MGAT4A: variants seen among roughly 807,000 people sequenced by gnomAD.
The protein encoded by MGAT4A is N-acetylglucosaminyltransferase IVa.
MGAT4A carries 33 observed loss-of-function variants against 74.1 expected under a neutral mutation model. The observed-to-expected ratio is 0.45, with a 90% confidence interval of 0.34 to 0.60. The LOEUF (loss-of-function observed/expected upper bound fraction) is 0.60, where lower values mean the gene tolerates loss of function less well. Among genes scored for constraint, MGAT4A ranks in the 20% least tolerant of loss-of-function variants. The probability of loss-of-function intolerance (pLI) is 0.02; values close to 1 mark genes in which losing one functional copy is unlikely to be tolerated. For missense variants in MGAT4A, 479 were observed against 628.3 expected, an observed-to-expected ratio of 0.76 and a Z score of 2.54; for synonymous variants, 198 against 210.4, an observed-to-expected ratio of 0.94 and a Z score of 0.51.
intron 10 of MGAT4A, among the ~76,000 whole-genome samples, chr2:98,643,445 A>G (rs1701441513): frequency 6.6e-6 from 1 of 152,232 alleles, no homozygotes. Context: ...ATTATTATGA[A>G]CACTGGCTTT....
intron 2 of MGAT4A, among the ~76,000 whole-genome samples, chr2:98,708,265 G>A (rs1388363373): frequency 3.3e-5 from 5 of 151,940 alleles, no homozygotes; most frequent in Admixed American, 2.0e-4. Flanking sequence ...ACCGCACCCC[G>A]CCAGTGAGCA....
chr2:98,707,727 G>T (rs1559174003), intron 2 of MGAT4A, among the ~76,000 whole-genome samples: 1 of 152,104 alleles, frequency 6.6e-6, no homozygotes, highest in African/African-American at 2.4e-5. Context: ...TATTCCTCAG[G>T]AAAAGAAAAC....
chr2:98,624,827 C>T lies in MGAT4A; in HGVS notation c.*739G>A. 1.0e-6 allele frequency: 1 copy of T among 985,510 alleles called. No homozygotes were observed. The highest frequency in any genetic ancestry group is 1.7e-5 in the African/African-American group (1 of 57,332). The allele number at this position is 985,510 out of a possible 1,614,324, so 61.0% of individuals were successfully genotyped here. On this transcript the variant is annotated 3_prime_UTR_variant, in exon 16 of 16. Transcript: ENST00000393487. ...CACCATACACAGTATAGTAAAGTAA[C>T]CCTCAGGAAGGACATTAGTCTTTAA...
intron 3 of MGAT4A, 102 bp from the exon 4 acceptor site, chr2:98,675,277 T>C: frequency 2.4e-6 from 2 of 827,252 alleles, no homozygotes; most frequent in South Asian, 1.9e-5. Context: ...AACTAAAGAA[T>C]TTTCTTTCCT....
intron 13 of MGAT4A, among the ~76,000 whole-genome samples, chr2:98,635,953 A>G (rs958325008): frequency 6.6e-6 from 1 of 151,168 alleles, no homozygotes; most frequent in Non-Finnish European, 1.5e-5. Flanking sequence ...GCACCACTGC[A>G]CTCCAGCCAG....
At chr2:98,717,628 G>A (rs1221509221) in intron 2 of MGAT4A, among the ~76,000 whole-genome samples, 1 of 152,094 alleles carries the variant, frequency 6.6e-6, no homozygotes, top group Non-Finnish European at 1.5e-5. Context: ...TAGGTATAAG[G>A]GAAATCTGTG....
At chr2:98,712,479 A>G (rs1702531938) in intron 2 of MGAT4A, among the ~76,000 whole-genome samples, 1 of 152,224 alleles carries the variant, frequency 6.6e-6, no homozygotes, top group Admixed American at 6.5e-5. Context: ...AAAATACAGG[A>G]AAGACAGGTA....
At position 98,623,678 on chromosome 2, in the gene MGAT4A, T is replaced by C. The variant is rs1287522097; in HGVS notation, c.*1888A>G. On this transcript the variant is annotated 3_prime_UTR_variant, in exon 16 of 16. Transcript: ENST00000393487. ...TAAAAATCATTTTTGGCAATGTGATTGACTTTTCAATCAAGAAAAGTAACT... is the reference window on the plus strand; with the variant it reads ...TAAAAATCATTTTTGGCAATGTGATCGACTTTTCAATCAAGAAAAGTAACT... 3 of 985,316 alleles carry C rather than the reference T, an allele frequency of 3.0e-6. No individual in the cohort carries two copies. The highest frequency in any genetic ancestry group is 1.2e-4 in the Admixed American group (2 of 16,272). 61.0% of individuals were successfully genotyped at this position (985,316 alleles called of 1,614,324 possible).
intron 2 of MGAT4A, among the ~76,000 whole-genome samples, chr2:98,681,541 T>C (rs1029774171): frequency 1.3e-5 from 2 of 152,134 alleles, no homozygotes; most frequent in Non-Finnish European, 1.5e-5. Flanking sequence ...ACAGCATGTG[T>C]CCAAAACAGA....
At chr2:98,678,804 C>T (rs1421602408) in intron 2 of MGAT4A, among the ~76,000 whole-genome samples, 1 of 152,122 alleles carries the variant, frequency 6.6e-6, no homozygotes, top group African/African-American at 2.4e-5. Flanking sequence ...TAAACAGCAT[C>T]TGTCAAAGGG....
chr2:98,717,701 T>A (rs1178826257), intron 2 of MGAT4A, among the ~76,000 whole-genome samples: 1 of 152,218 alleles, frequency 6.6e-6, no homozygotes, highest in African/African-American at 2.4e-5. Flanking sequence ...TTAAAAACAT[T>A]TACTGCTGTT....
Position 98,623,053 on chromosome 2 carries a change from G to A in MGAT4A, c.*2513C>T. ...CAAAATGATAAAAAGAGAAAGAGGA[G>A]GGCAGGCTGGAATAATTGGTCTCAC... On this transcript the variant is annotated 3_prime_UTR_variant, in exon 16 of 16. Transcript: ENST00000393487. 1 of 985,490 alleles carries A rather than the reference G, an allele frequency of 1.0e-6. No individual in the cohort carries two copies. Among genetic ancestry groups the A allele is most frequent in the Non-Finnish European group, 1.2e-6 (1 of 830,100 alleles). The allele number at this position is 985,490 out of a possible 1,614,324, so 61.0% of individuals were successfully genotyped here.
chr2:98,667,721 T>C (rs1487941731), intron 4 of MGAT4A, among the ~76,000 whole-genome samples: 1 of 151,888 alleles, frequency 6.6e-6, no homozygotes, highest in Non-Finnish European at 1.5e-5. Flanking sequence ...GTTGTTGTTG[T>C]TGTTGTTGTT....
chr2:98,714,011 G>A (rs973252799), intron 2 of MGAT4A, among the ~76,000 whole-genome samples: 2 of 152,222 alleles, frequency 1.3e-5, no homozygotes, highest in African/African-American at 4.8e-5. Context: ...TTTCATTTGT[G>A]TATGGGTTAG....
chr2:98,657,740 T>C (rs1479288379), intron 6 of MGAT4A, among the ~76,000 whole-genome samples: 1 of 152,206 alleles, frequency 6.6e-6, no homozygotes, highest in Non-Finnish European at 1.5e-5. Flanking sequence ...ATCTGAAACT[T>C]ACTAAGCTTT....
intron 2 of MGAT4A, among the ~76,000 whole-genome samples, chr2:98,705,801 G>A (rs569656499): frequency 0.011 from 1,709 of 151,924 alleles, 16 homozygotes; most frequent in Middle Eastern, 0.031. Context: ...AAATTAGCCG[G>A]GCGCGGTGGC....
chr2:98,722,860 C>T (rs182084404), intron 2 of MGAT4A, among the ~76,000 whole-genome samples: 57 of 152,252 alleles, frequency 3.7e-4, no homozygotes, highest in Admixed American at 1.8e-3. Flanking sequence ...CCCGTGACTG[C>T]TTCATCAATC....
chr2:98,678,499 T>C (rs774868874), intron 2 of MGAT4A, 28 bp from the exon 3 acceptor site: 7 of 1,455,714 alleles, frequency 4.8e-6, no homozygotes, highest in Non-Finnish European at 6.5e-6. Flanking sequence ...ACAGTTATAG[T>C]ATATGTCTTA....
chr2:98,699,425 C>T (rs1702320565), intron 2 of MGAT4A, among the ~76,000 whole-genome samples: 1 of 152,150 alleles, frequency 6.6e-6, no homozygotes, highest in East Asian at 1.9e-4. Context: ...ACCAGCCTTT[C>T]AAGCCAGGCT....
Sources: allele counts gnomAD v4.1 joint callset (sites outside exome capture counted in the v4.1 genomes callset), GRCh38; gene constraint gnomAD v4.1.1; transcripts MANE v1.5; gene names NCBI Gene and HGNC (gene_info 2026-07-23, HGNC 2026-07-21).